SLC25A17: variants seen among roughly 807,000 people sequenced by gnomAD.
The protein encoded by SLC25A17 is solute carrier family 25 member 17, also known as peroxisomal membrane protein PMP34.
Under a neutral mutation model 38.5 loss-of-function variants are expected in SLC25A17, and 26 were observed. The ratio of observed to expected loss-of-function variants is 0.68; its 90% CI spans 0.50 to 0.94. SLC25A17 has a LOEUF of 0.94. SLC25A17 is among the 40% of genes least tolerant of loss of function. The pLI is 0.00. For missense variants in SLC25A17, 333 were observed against 372.7 expected (o/e 0.89, Z 0.88); for synonymous variants, 139 against 136.2 (o/e 1.02, Z -0.14).
chr22:40,795,244 G>C (rs1383028246), intron 2 of SLC25A17, among the ~76,000 whole-genome samples: 4 of 151,696 alleles, frequency 2.6e-5, no homozygotes, highest in Non-Finnish European at 4.4e-5. Flanking sequence ...CCATAAAGCA[G>C]TCTAATTTAA....
chr22:40,793,160 C>A (rs1309339796), intron 3 of SLC25A17, among the ~76,000 whole-genome samples: 1 of 151,974 alleles, frequency 6.6e-6, no homozygotes, highest in Non-Finnish European at 1.5e-5. Context: ...GTACAGTAAT[C>A]AATTGTAAAC....
At chr22:40,793,112 G>A (rs939420338) in intron 3 of SLC25A17, among the ~76,000 whole-genome samples, 1 of 150,732 alleles carries the variant, frequency 6.6e-6, no homozygotes, top group Non-Finnish European at 1.5e-5. Context: ...AGCTCCTACA[G>A]GCCAAATCTG....
intron 1 of SLC25A17, among the ~76,000 whole-genome samples, chr22:40,814,804 GTTGTTTTGTT>G (rs1225293128): frequency 7.1e-6 from 1 of 141,438 alleles, no homozygotes; most frequent in Non-Finnish European, 1.5e-5. Context: ...TGTTGTTGTT[GTTGTTTTGTT>G]TTGTTTTGGT....
chr22:40,790,560 C>A (rs183616564), intron 4 of SLC25A17, among the ~76,000 whole-genome samples: 1 of 152,068 alleles, frequency 6.6e-6, no homozygotes, highest in Admixed American at 6.5e-5. Flanking sequence ...CTATACCAGT[C>A]CAGCTGTGTT....
intron 1 of SLC25A17, among the ~76,000 whole-genome samples, chr22:40,814,753 GAATATATA>G (rs2057617929): frequency 3.8e-5 from 2 of 52,926 alleles, no homozygotes; most frequent in African/African-American, 2.2e-4. Flanking sequence ...AGTACGTGCA[GAATATATA>G]TATATATATA....
intron 4 of SLC25A17, among the ~76,000 whole-genome samples, chr22:40,791,116 G>T (rs937086694): frequency 2.0e-4 from 30 of 152,184 alleles, no homozygotes; most frequent in Admixed American, 3.3e-4. Flanking sequence ...CAATGATAAG[G>T]TTTGATTTGG....
intron 5 of SLC25A17, among the ~76,000 whole-genome samples, chr22:40,778,097 T>C (rs937191832): frequency 6.6e-6 from 1 of 152,122 alleles, no homozygotes; most frequent in African/African-American, 2.4e-5. Context: ...ACTACAAAGA[T>C]TGATGTATGG....
chr22:40,779,187 C>T lies in SLC25A17; in HGVS notation c.335-62G>A, dbSNP rs186666670. On this transcript the variant is annotated intron_variant, in intron 4 of 8. Coordinates refer to ENST00000435456, the MANE Select transcript of SLC25A17 (RefSeq NM_006358.4). ...AAATGTCAGCTTTTAAGCTTTGCTG[C>T]TTTAAAGCTACATACCAATATTCCA... 4.3e-6 allele frequency: 7 copies of T among 1,612,300 alleles called. No individual in the cohort carries two copies. The Admixed American group carries it at 8.4e-5, about 19-fold the overall frequency.
At chr22:40,778,645 G>A (rs919765386) in intron 5 of SLC25A17, among the ~76,000 whole-genome samples, 9 of 152,150 alleles carry the variant, frequency 5.9e-5, no homozygotes, top group Non-Finnish European at 1.3e-4. Context: ...GTATATATGT[G>A]CCATGTCGGT....
rs564738629 is a variant in SLC25A17, at chr22:40,802,254, A to G, written c.55-3171T>C. 9.2e-5 allele frequency among the ~76,000 whole-genome samples: 14 copies of G among 152,282 alleles called. No individual in the cohort carries two copies. The East Asian group carries it at 2.7e-3, about 29-fold the overall frequency. Reference sequence around the variant, plus strand: ...TTCCTAAACATAGAAGTCCTTGCCTACCTATCTGGATATCTTGAAGTGAAA... The same window carrying G: ...TTCCTAAACATAGAAGTCCTTGCCTGCCTATCTGGATATCTTGAAGTGAAA... On this transcript the variant is annotated intron_variant, in intron 1 of 8. Coordinates refer to ENST00000435456, the MANE Select transcript of SLC25A17 (RefSeq NM_006358.4).
At position 40,770,158 on chromosome 22, in the gene SLC25A17, T is replaced by C. The variant is rs1255406766; in HGVS notation, c.*676A>G. On this transcript the variant is annotated 3_prime_UTR_variant, in exon 9 of 9. Transcript: ENST00000435456. ...TGGACACAAAACTTCAAGTCTTTCG[T>C]AATGAAAGGATTGATTCAAAATAAA... 1 of 152,248 alleles carries C rather than the reference T, an allele frequency of 6.6e-6. No homozygotes were observed. Among genetic ancestry groups the C allele is most frequent in the Non-Finnish European group, 1.5e-5 (1 of 68,050 alleles). 9.4% of individuals were successfully genotyped at this position (152,248 alleles called of 1,614,324 possible). A position where few individuals can be genotyped will look rare whatever the true frequency, so the allele number is the denominator to read the frequency against.
rs544988687 is a variant in SLC25A17 at position 40,789,800 on chromosome 22, G to A, written c.334+2725C>T. Reference sequence around the variant, plus strand: ...TGGGATTACAGGCGTGAGCCACCGCGCCTGGTCTAAAATTTATTTTTTATA... The same window carrying A: ...TGGGATTACAGGCGTGAGCCACCGCACCTGGTCTAAAATTTATTTTTTATA... On this transcript the variant is annotated intron_variant, in intron 4 of 8. Coordinates refer to ENST00000435456, the MANE Select transcript of SLC25A17 (RefSeq NM_006358.4). This position sits in a 1 kb window ranked among gnomAD's most constrained non-coding sequence, Gnocchi z 4.5. Among the ~76,000 whole-genome samples, 12 of 150,484 alleles carry A rather than the reference G, an allele frequency of 8.0e-5. No individual in the cohort carries two copies. The highest frequency in any genetic ancestry group is 2.7e-4 in the Admixed American group (4 of 15,062).
chr22:40,773,895 G>A, intron 8 of SLC25A17, 42 bp downstream of exon 8: 1 of 1,352,154 alleles, frequency 7.4e-7, no homozygotes, highest in Non-Finnish European at 1.1e-6. Context: ...AGAGATGGCT[G>A]CTGAAGGAGA....
intron 1 of SLC25A17, among the ~76,000 whole-genome samples, chr22:40,801,860 G>A (rs1346242240): frequency 3.9e-5 from 6 of 152,078 alleles, no homozygotes; most frequent in Admixed American, 1.3e-4. Flanking sequence ...GCGGGATTTC[G>A]GCTCACTGCA....
At chr22:40,788,415 G>A (rs1052055016) in intron 4 of SLC25A17, among the ~76,000 whole-genome samples, 10 of 152,246 alleles carry the variant, frequency 6.6e-5, no homozygotes, top group African/African-American at 2.4e-4. Flanking sequence ...ACACTGGGCC[G>A]GGCGTTGCGG....
chr22:40,793,911 G>A (rs2057405270), intron 3 of SLC25A17, among the ~76,000 whole-genome samples: 1 of 152,200 alleles, frequency 6.6e-6, no homozygotes, highest in South Asian at 2.1e-4. Context: ...GTTTAAAAGT[G>A]TCAGTGTCAT....
chr22:40,781,992 C>T (rs557844468), intron 4 of SLC25A17, among the ~76,000 whole-genome samples: 69 of 152,152 alleles, frequency 4.5e-4, no homozygotes, highest in African/African-American at 1.4e-3. Context: ...GAGGCTGAGG[C>T]GGGTGGATCA....
chr22:40,801,713 G>C (rs2057485662), intron 1 of SLC25A17, among the ~76,000 whole-genome samples: 1 of 152,188 alleles, frequency 6.6e-6, no homozygotes, highest in Non-Finnish European at 1.5e-5. Flanking sequence ...AGAAAAATGG[G>C]AGCTGGAAAG....
intron 1 of SLC25A17, among the ~76,000 whole-genome samples, chr22:40,808,834 T>A (rs529241580): frequency 6.6e-6 from 1 of 152,228 alleles, no homozygotes; most frequent in Non-Finnish European, 1.5e-5. Context: ...AACCTTTTCA[T>A]AAGAATCATT....
Sources: gnomAD v4.1 joint callset for allele counts (sites outside exome capture counted in the v4.1 genomes callset) on GRCh38, gnomAD v4.1.1 for gene constraint, Gnocchi (gnomAD v3.1) non-coding constraint, MANE v1.5 for transcripts, NCBI Gene and HGNC (gene_info 2026-07-23, HGNC 2026-07-21) for gene names.